REC114: variants seen among roughly 807,000 people sequenced by gnomAD.
The protein encoded by REC114 is meiotic recombination protein REC114.
REC114 carries 27 observed loss-of-function variants against 31.3 expected under a neutral mutation model. The ratio of observed to expected loss-of-function variants is 0.86; its 90% CI spans 0.64 to 1.19. REC114 has a LOEUF of 1.19. REC114 is among the 50% of genes most tolerant of loss of function. The probability of loss-of-function intolerance (pLI) is 0.00; values close to 1 mark genes in which losing one functional copy is unlikely to be tolerated. For missense variants in REC114, 344 were observed against 326.9 expected (o/e 1.05, Z -0.40); for synonymous variants, 134 against 127.7 (o/e 1.05, Z -0.33).
At chr15:73,460,868 G>A (rs1438198788) in intron 1 of REC114, among the ~76,000 whole-genome samples, 1 of 151,934 alleles carries the variant, frequency 6.6e-6, no homozygotes, top group African/African-American at 2.4e-5. Context: ...GTCTATTTAT[G>A]GCTACTGATA....
chr15:73,513,731 G>T (rs1331891505), intron 2 of REC114, among the ~76,000 whole-genome samples: 18 of 151,902 alleles, frequency 1.2e-4, no homozygotes, highest in African/African-American at 4.1e-4. Flanking sequence ...GCCCCTGCTG[G>T]GGGGTGCCTC....
At chr15:73,448,165 A>G (rs1290256156) in intron 1 of REC114, among the ~76,000 whole-genome samples, 2 of 151,810 alleles carry the variant, frequency 1.3e-5, no homozygotes, top group East Asian at 1.9e-4. Flanking sequence ...CACTCCCCTG[A>G]AAAGGGGGCT....
At chr15:73,549,189 AT>A (rs1398797825) in intron 3 of REC114, among the ~76,000 whole-genome samples, 10 of 152,216 alleles carry the variant, frequency 6.6e-5, no homozygotes. Context: ...AAAAAAAAAA[AT>A]TATGAGATCT....
At position 73,505,699 on chromosome 15, in the gene REC114, T is replaced by G. The variant is rs150045046; in HGVS notation, c.249+31778T>G. Among the ~76,000 whole-genome samples, 145 of 152,218 alleles carry G rather than the reference T, an allele frequency of 9.5e-4. 1 individual carries two copies. The highest frequency in any genetic ancestry group is 3.5e-3 in the African/African-American group (144 of 41,548). On this transcript the variant is annotated intron_variant, in intron 2 of 5. Transcript: ENST00000331090. ...GGCGCCCGCCACCATGCCCGGCTAA[T>G]TTTTTGTATGTTTTAGTAGAGACAG...
In REC114 at chr15:73,495,833, A is replaced by T. The variant is rs151120141; in HGVS notation, c.249+21912A>T. ...AAAAATTGTTATTTTTTATATCACTAATCATTAATGAAAGGGAAATGAGCA... is the reference window on the plus strand; with the variant it reads ...AAAAATTGTTATTTTTTATATCACTTATCATTAATGAAAGGGAAATGAGCA... On this transcript the variant is annotated intron_variant, in intron 2 of 5. Transcript: ENST00000331090. 3.0e-3 allele frequency among the ~76,000 whole-genome samples: 457 copies of T among 152,222 alleles called. 2 individuals are homozygous for T. Among genetic ancestry groups the T allele is most frequent in the African/African-American group, 0.011 (437 of 41,540 alleles).
intron 2 of REC114, among the ~76,000 whole-genome samples, chr15:73,513,735 G>C (rs1430445874): frequency 6.6e-6 from 1 of 151,866 alleles, no homozygotes; most frequent in Non-Finnish European, 1.5e-5. Context: ...CTGCTGGGGG[G>C]TGCCTCCCAG....
At chr15:73,553,064 C>A (rs1426037858) in intron 4 of REC114, among the ~76,000 whole-genome samples, 2 of 152,202 alleles carry the variant, frequency 1.3e-5, no homozygotes, top group Non-Finnish European at 1.5e-5. Flanking sequence ...ATCCACCCTC[C>A]TCGGCCTCCC....
At chr15:73,508,063 C>G (rs1893705452) in intron 2 of REC114, among the ~76,000 whole-genome samples, 1 of 152,080 alleles carries the variant, frequency 6.6e-6, no homozygotes, top group African/African-American at 2.4e-5. Flanking sequence ...TAATCAGTGG[C>G]TTTTGTTGGT....
intron 1 of REC114, among the ~76,000 whole-genome samples, chr15:73,469,501 C>T (rs1893104818): frequency 6.6e-6 from 1 of 151,934 alleles, no homozygotes; most frequent in South Asian, 2.1e-4. Flanking sequence ...GCAATCATAG[C>T]TTACAGCAGC....
intron 4 of REC114, among the ~76,000 whole-genome samples, chr15:73,555,449 A>C (rs994782589): frequency 6.6e-5 from 10 of 152,140 alleles, no homozygotes; most frequent in African/African-American, 2.4e-4. Context: ...AAAGCATCCC[A>C]TGTCCTACCC....
chr15:73,502,613 A>T (rs1893617976), intron 2 of REC114, among the ~76,000 whole-genome samples: 1 of 152,134 alleles, frequency 6.6e-6, no homozygotes, highest in Admixed American at 6.5e-5. Flanking sequence ...GAATAGGCTG[A>T]GGAGGAGGAG....
At chr15:73,528,836 T>G (rs557603726) in intron 2 of REC114, among the ~76,000 whole-genome samples, 1 of 152,088 alleles carries the variant, frequency 6.6e-6, no homozygotes, top group Non-Finnish European at 1.5e-5. Flanking sequence ...CAAAAAAAAT[T>G]GTCAATCCCT....
At chr15:73,556,175 C>A (rs1370841780) in intron 4 of REC114, 127 bp from the exon 5 acceptor site, 1 of 760,700 alleles carries the variant, frequency 1.3e-6, no homozygotes, top group Admixed American at 2.8e-5. Flanking sequence ...ATGCTGACAA[C>A]CATTTTTATC....
chr15:73,558,158 T>C (rs1341177263), intron 5 of REC114, among the ~76,000 whole-genome samples: 1 of 152,116 alleles, frequency 6.6e-6, no homozygotes, highest in Non-Finnish European at 1.5e-5. Flanking sequence ...TGGCCTAACA[T>C]CATATTGAGA....
intron 2 of REC114, among the ~76,000 whole-genome samples, chr15:73,482,902 T>A (rs1211106091): frequency 1.3e-5 from 2 of 152,140 alleles, no homozygotes; most frequent in Non-Finnish European, 2.9e-5. Context: ...TGATTTTTTT[T>A]TTTTTTTGAG....
intron 3 of REC114, 58 bp downstream of exon 3, chr15:73,540,626 G>A (rs1894225100): frequency 7.1e-7 from 1 of 1,410,712 alleles, no homozygotes; most frequent in Non-Finnish European, 1.0e-6. Flanking sequence ...ATGTTGGGGA[G>A]GTATTTGGGG....
intron 2 of REC114, among the ~76,000 whole-genome samples, chr15:73,535,665 G>T (rs1259512677): frequency 1.7e-4 from 25 of 143,548 alleles, no homozygotes; most frequent in African/African-American, 6.6e-4. Context: ...CACAGAATTG[G>T]AAAAAACTAC....
chr15:73,548,059 T>C (rs1317465547), intron 3 of REC114, among the ~76,000 whole-genome samples: 3 of 152,136 alleles, frequency 2.0e-5, no homozygotes, highest in Admixed American at 6.5e-5. Flanking sequence ...GGAACTTAAA[T>C]TTACAAGAAA....
At chr15:73,450,452 G>C (rs1892828474) in intron 1 of REC114, among the ~76,000 whole-genome samples, 2 of 152,190 alleles carry the variant, frequency 1.3e-5, no homozygotes. Flanking sequence ...AAATATATAT[G>C]CACCCAATAC....
Sources: allele counts gnomAD v4.1 joint callset (sites outside exome capture counted in the v4.1 genomes callset), GRCh38; gene constraint gnomAD v4.1.1; transcripts MANE v1.5; gene names NCBI Gene and HGNC (gene_info 2026-07-23, HGNC 2026-07-21).